The following AP1AR variants were observed in gnomAD, a reference collection of about 807,000 sequenced individuals.
AP1AR encodes the protein adaptor related protein complex 1 associated regulatory protein.
AP1AR carries 29 observed loss-of-function variants against 46.3 expected under a neutral mutation model. The observed-to-expected ratio is 0.63, with a 90% CI of 0.47 to 0.85. The LOEUF is 0.85. AP1AR is among the 40% of genes least tolerant of loss of function. AP1AR has a pLI of 0.00. For missense variants in AP1AR, 357 were observed against 356.3 expected (o/e 1.00, Z -0.02); for synonymous variants, 122 against 122.9 (o/e 0.99, Z 0.05).
chr4:112,271,756 C>T lies in AP1AR; in HGVS notation c.*3347C>T, dbSNP rs1726962118. Among the ~76,000 whole-genome samples, 3 of 152,046 alleles carry T rather than the reference C, an allele frequency of 2.0e-5. No homozygotes were observed. The highest frequency in any genetic ancestry group is 2.0e-4 in the Admixed American group (3 of 15,246). On this transcript the variant is annotated 3_prime_UTR_variant, in exon 10 of 10. Coordinates refer to ENST00000274000, the MANE Select transcript of AP1AR (RefSeq NM_018569.6). ...TCATAAGATATTTGGATGAAGATGT[C>T]AAGTAGGTGATGGGATATATGTCTG...
intron 1 of AP1AR, 107 bp downstream of exon 1, chr4:112,232,281 C>T: frequency 1.1e-6 from 1 of 939,660 alleles, no homozygotes; most frequent in East Asian, 3.3e-5. Flanking sequence ...CGGTCGAGAG[C>T]CCTGCTACAC....
At position 112,268,163 on chromosome 4, in the gene AP1AR, A is replaced by C. The variant is rs1415366480; in HGVS notation, c.663A>C (p.Pro221=). The C allele has an allele frequency of 6.3e-7, 1 of 1,577,912 alleles. No homozygotes were observed. The change falls in exon 10 of 10, where the codon CCA becomes CCC. Residue 221 remains proline (P), a synonymous_variant. Coordinates refer to ENST00000274000, the MANE Select transcript of AP1AR (RefSeq NM_018569.6). ...EDEEGMNRML[P]MRERSKTEED... ...TCATAGGAATGAATAGAATGCTTCCAATGAGAGAACGTTCCAAAACAGAGG... is the reference window on the plus strand; with the variant it reads ...TCATAGGAATGAATAGAATGCTTCCCATGAGAGAACGTTCCAAAACAGAGG...
chr4:112,266,017 G>T (rs185615682), intron 8 of AP1AR, among the ~76,000 whole-genome samples: 68 of 151,714 alleles, frequency 4.5e-4, no homozygotes, highest in African/African-American at 1.2e-3. Context: ...TATTTCTGTA[G>T]ATCCATATAG....
chr4:112,264,974 A>G (rs1460452428), intron 6 of AP1AR, 35 bp from the exon 7 acceptor site: 2 of 1,532,128 alleles, frequency 1.3e-6, no homozygotes, highest in East Asian at 2.3e-5. Context: ...ATTTTACAAC[A>G]GAGTGATTTT....
chr4:112,272,935 A>ACAT lies in AP1AR; in HGVS notation c.*4528_*4530dup, dbSNP rs1196740326. On this transcript the variant is annotated 3_prime_UTR_variant, in exon 10 of 10. Coordinates refer to ENST00000274000, the MANE Select transcript of AP1AR (RefSeq NM_018569.6). ...TAATCATAATTTCTTGAGAATACAG[A>ACAT]CATCTAAAAAAGATTTTATGTTAAA... 1 of 152,092 alleles carries ACAT rather than the reference A, an allele frequency of 6.6e-6. No individual in the cohort carries two copies. The highest frequency in any genetic ancestry group is 1.5e-5 in the Non-Finnish European group (1 of 67,998). The allele number at this position is 152,092 out of a possible 1,614,324, so 9.4% of individuals were successfully genotyped here. A position where few individuals can be genotyped will look rare whatever the true frequency, so the allele number is the denominator to read the frequency against.
intron 9 of AP1AR, 38 bp downstream of exon 9, chr4:112,266,754 C>T (rs780260366): frequency 2.2e-5 from 35 of 1,565,290 alleles, no homozygotes; most frequent in East Asian, 9.2e-5. Context: ...AAAAATTTAA[C>T]GTAATCTGTG....
At chr4:112,258,172 A>T (rs995767379) in intron 4 of AP1AR, among the ~76,000 whole-genome samples, 2 of 152,192 alleles carry the variant, frequency 1.3e-5, no homozygotes, top group African/African-American at 4.8e-5. Context: ...AATAGTAACT[A>T]AAACCTTATG....
chr4:112,237,795 G>C (rs977896966), intron 1 of AP1AR, among the ~76,000 whole-genome samples: 2 of 152,012 alleles, frequency 1.3e-5, no homozygotes, highest in Non-Finnish European at 2.9e-5. Context: ...TTTTTTGTGA[G>C]CTTTCACTTA....
At chr4:112,234,711 ATAGT>A (rs1474342783) in intron 1 of AP1AR, among the ~76,000 whole-genome samples, 11 of 148,302 alleles carry the variant, frequency 7.4e-5, no homozygotes, top group African/African-American at 2.5e-4. Flanking sequence ...ATAGGTCTGG[ATAGT>A]TAGTAGTTCT....
At position 112,232,082 on chromosome 4, in the gene AP1AR, G is replaced by A; in HGVS notation, c.-10G>A. ...GAGGAGGAGGAGCGGCGGCGCCTGG[G>A]CGGCATGCGATGGGGAACTGCTGCT... On this transcript the variant is annotated 5_prime_UTR_variant, in exon 1 of 10. Transcript: ENST00000274000. The A allele has an allele frequency of 7.4e-7, 1 of 1,350,910 alleles. No individual in the cohort carries two copies. Among genetic ancestry groups the A allele is most frequent in the South Asian group, 1.9e-5 (1 of 52,498 alleles). 83.7% of individuals were successfully genotyped at this position (1,350,910 alleles called of 1,614,324 possible).
At chr4:112,262,800 A>G (rs1403026866) in intron 5 of AP1AR, among the ~76,000 whole-genome samples, 188 bp from the exon 6 acceptor site, 1 of 152,240 alleles carries the variant, frequency 6.6e-6, no homozygotes, top group East Asian at 1.9e-4. Context: ...TGTGTTTTAT[A>G]TCCTTTGGGT....
At chr4:112,246,924 T>A (rs949580776) in intron 1 of AP1AR, among the ~76,000 whole-genome samples, 12 of 151,340 alleles carry the variant, frequency 7.9e-5, no homozygotes, top group Admixed American at 6.6e-4. Flanking sequence ...ACATCTTTTT[T>A]AAAAATATGA....
In AP1AR at chr4:112,259,011, T is replaced by C. The variant is rs114265926; in HGVS notation, c.185+1214T>C. On this transcript the variant is annotated intron_variant, in intron 4 of 9. Coordinates refer to ENST00000274000, the MANE Select transcript of AP1AR (RefSeq NM_018569.6). The stretch of plus-strand genomic sequence containing the variant: ...TGGTGAGAGAGCAAGGATCTGAGGA[T>C]TGACTAGGCGGACACTAGAAGAGGA... 2.4e-3 allele frequency among the ~76,000 whole-genome samples: 358 copies of C among 152,020 alleles called. 2 individuals are homozygous for C. Among genetic ancestry groups the C allele is most frequent in the African/African-American group, 8.3e-3 (344 of 41,470 alleles).
At chr4:112,239,223 C>G (rs1725379149) in intron 1 of AP1AR, among the ~76,000 whole-genome samples, 1 of 152,170 alleles carries the variant, frequency 6.6e-6, no homozygotes, top group Non-Finnish European at 1.5e-5. Context: ...TCCAACATCT[C>G]CCTCTAGCTG....
intron 1 of AP1AR, 60 bp from the exon 2 acceptor site, chr4:112,253,148 A>T: frequency 7.9e-7 from 1 of 1,262,844 alleles, no homozygotes; most frequent in East Asian, 2.3e-5. Flanking sequence ...TTTATGCTAT[A>T]TATTAATTCA....
At chr4:112,260,381 G>A (rs1726389415) in intron 4 of AP1AR, among the ~76,000 whole-genome samples, 2 of 152,156 alleles carry the variant, frequency 1.3e-5, no homozygotes, top group Admixed American at 1.3e-4. Context: ...ATGGTATGAC[G>A]GCTGAGATCA....
chr4:112,253,164 A>C, intron 1 of AP1AR, 44 bp from the exon 2 acceptor site: 3 of 1,449,102 alleles, frequency 2.1e-6, no homozygotes, highest in Non-Finnish European at 2.9e-6. Context: ...ATTCAATCTT[A>C]GAGTTAATTG....
intron 1 of AP1AR, among the ~76,000 whole-genome samples, chr4:112,245,462 TTACTTTTTGGAGTTTAGA>T (rs1426474131): frequency 1.3e-5 from 2 of 152,178 alleles, no homozygotes; most frequent in African/African-American, 2.4e-5. Context: ...TGAAAAGAGC[TTACTTTTTGGAGTTTAGA>T]TACTTTACGT....
intron 1 of AP1AR, among the ~76,000 whole-genome samples, chr4:112,234,658 G>T (rs370824549): frequency 7.1e-6 from 1 of 141,764 alleles, no homozygotes; most frequent in South Asian, 2.2e-4. Flanking sequence ...TCTTATTTTA[G>T]TTTTTTTTTT....
Sources: gnomAD v4.1 joint callset for allele counts (sites outside exome capture counted in the v4.1 genomes callset) on GRCh38, gnomAD v4.1.1 for gene constraint, MANE v1.5 for transcripts, NCBI Gene and HGNC (gene_info 2026-07-23, HGNC 2026-07-21) for gene names.